Variants in ZNF658 observed in about 807,000 individuals in gnomAD.
ZNF658 encodes zinc finger protein 658.
Under a neutral mutation model 78.0 loss-of-function variants are expected in ZNF658, and 46 were observed. The observed-to-expected ratio is 0.59, with a 90% CI of 0.47 to 0.75. The LOEUF (loss-of-function observed/expected upper bound fraction) is 0.75, where lower values mean the gene tolerates loss of function less well. Among genes scored for constraint, ZNF658 ranks in the 30% least tolerant of loss-of-function variants. The probability of loss-of-function intolerance (pLI) is 0.00; values close to 1 mark genes in which losing one functional copy is unlikely to be tolerated. For missense variants in ZNF658, 785 were observed against 1,189.3 expected (o/e 0.66, Z 5.00); for synonymous variants, 279 against 408.4 (o/e 0.68, Z 3.82).
intron 1 of ZNF658, chr9:66,903,177 CA>C (rs977390572): frequency 4.6e-5 from 9 of 196,834 alleles, no homozygotes; most frequent in African/African-American, 1.9e-4. Flanking sequence ...AGTAAATCAA[CA>C]AAAAACAGTA....
intron 1 of ZNF658, among the ~76,000 whole-genome samples, chr9:66,901,787 T>TA (rs1396903931): frequency 4.0e-5 from 6 of 150,860 alleles, no homozygotes; most frequent in South Asian, 2.1e-4. Context: ...TCTACAAAAA[T>TA]AAAAAAATTA....
chr9:66,927,456 A>G (rs1564179314), intron 6 of ZNF658, among the ~76,000 whole-genome samples: 1 of 152,048 alleles, frequency 6.6e-6, no homozygotes, highest in East Asian at 1.9e-4. Flanking sequence ...TTCTTCAAAA[A>G]GTTAAAAACA....
At chr9:66,905,817 G>C (rs2117958564) in intron 2 of ZNF658, among the ~76,000 whole-genome samples, 1 of 144,826 alleles carries the variant, frequency 6.9e-6, no homozygotes, top group South Asian at 2.2e-4. Context: ...TTTCCTCTAA[G>C]TCTTTGACCA....
intron 4 of ZNF658, among the ~76,000 whole-genome samples, chr9:66,909,152 A>G (rs1409358080): frequency 3.9e-5 from 6 of 151,944 alleles, no homozygotes. Context: ...CCTGGAACCA[A>G]TTCCCCATGG....
rs187272405 is a variant in ZNF658, at chr9:66,914,155, A to C, written c.239-3650A>C. Among the ~76,000 whole-genome samples, 652 of 151,532 alleles carry C rather than the reference A, an allele frequency of 4.3e-3. 14 individuals are homozygous for C. The highest frequency in any genetic ancestry group is 0.015 in the African/African-American group (626 of 40,872). On this transcript the variant is annotated intron_variant, in intron 4 of 4. Transcript: ENST00000621410. ...AACAACGTACAGTCTTCCAGTCCAT[A>C]CACAAAATATCCCTACTGATTTATT...
chr9:66,931,065 A>G (rs1026386438), intron 6 of ZNF658, among the ~76,000 whole-genome samples: 2 of 151,980 alleles, frequency 1.3e-5, no homozygotes, highest in African/African-American at 2.4e-5. Flanking sequence ...TCTCTGAGAA[A>G]GAAAATTGTC....
intron 3 of ZNF658, 27 bp from the exon 4 acceptor site, chr9:66,908,612 G>T (rs762707730): frequency 3.8e-6 from 6 of 1,562,220 alleles, no homozygotes; most frequent in East Asian, 2.3e-5. Context: ...CTGTGAATCT[G>T]GTCCATGTCA....
chr9:66,914,877 T>C (rs534475809), intron 4 of ZNF658, among the ~76,000 whole-genome samples: 6 of 152,274 alleles, frequency 3.9e-5, no homozygotes, highest in Admixed American at 2.0e-4. Context: ...TTTTCTTGAA[T>C]AGTATTTGCC....
intron 6 of ZNF658, among the ~76,000 whole-genome samples, chr9:66,929,547 G>A (rs139805221): frequency 6.6e-6 from 1 of 152,026 alleles, no homozygotes; most frequent in African/African-American, 2.4e-5. Flanking sequence ...TTTCTTCCAG[G>A]ATGCAGGTTC....
chr9:66,919,119 A>T lies in ZNF658; in HGVS notation c.1553A>T (p.Tyr518Phe). 1.8e-6 allele frequency: 1 copy of T among 549,448 alleles called. No homozygotes were observed. The highest frequency in any genetic ancestry group is 2.1e-5 in the South Asian group (1 of 47,788). The allele number at this position is 549,448 out of a possible 1,614,324, so 34.0% of individuals were successfully genotyped here. A position where few individuals can be genotyped will look rare whatever the true frequency, so the allele number is the denominator to read the frequency against. The change falls in exon 5 of 5, where the codon TAT becomes TTT. Residue 518 changes from tyrosine to phenylalanine, a missense_variant. Physicochemically the swap from Tyr to Phe is conservative, Grantham distance 22. Transcript: ENST00000621410. ...HQRILMGEKP[Y>F]ECIECGKTFS... ...AGAATTCTCATGGGGGAGAAACCCT[A>T]TGAATGTATTGAATGTGGGAAAACT... is the stretch of plus-strand genomic sequence containing the variant.
At chr9:66,904,004 T>C (rs1157278674) in intron 2 of ZNF658, among the ~76,000 whole-genome samples, 1 of 152,096 alleles carries the variant, frequency 6.6e-6, no homozygotes, top group African/African-American at 2.4e-5. Flanking sequence ...AATGCTAAAT[T>C]TGAACACGTT....
chr9:66,904,216 G>A (rs1216711795), intron 2 of ZNF658, among the ~76,000 whole-genome samples: 1 of 151,810 alleles, frequency 6.6e-6, no homozygotes, highest in Non-Finnish European at 1.5e-5. Flanking sequence ...GGGATGCCTT[G>A]ATTTTTTCTT....
At chr9:66,924,052 G>T (rs1314896530), downstream of ZNF658, among the ~76,000 whole-genome samples, 4 of 149,622 alleles carry the variant, frequency 2.7e-5, no homozygotes, top group East Asian at 7.9e-4. Flanking sequence ...TCAAGAGGCT[G>T]AGGCAGGAGA....
At chr9:66,913,316 T>A (rs568285464) in intron 4 of ZNF658, among the ~76,000 whole-genome samples, 11 of 151,882 alleles carry the variant, frequency 7.2e-5, no homozygotes, top group African/African-American at 2.2e-4. Flanking sequence ...TCCCAGGTAC[T>A]CAGGAGGCTG....
intron 1 of ZNF658, chr9:66,901,123 G>T (rs554384150): frequency 5.4e-4 from 82 of 152,302 alleles, no homozygotes; most frequent in African/African-American, 1.8e-3. Context: ...TAAATAAGTT[G>T]TCACCTGTAA....
intron 6 of ZNF658, among the ~76,000 whole-genome samples, chr9:66,929,136 CA>C (rs1156921844): frequency 6.6e-6 from 1 of 151,482 alleles, no homozygotes; most frequent in African/African-American, 2.4e-5. Context: ...AATGAAAAAT[CA>C]TTTTGCTTGA....
chr9:66,928,714 G>T (rs1410286966), intron 6 of ZNF658, among the ~76,000 whole-genome samples: 1 of 138,248 alleles, frequency 7.2e-6, no homozygotes, highest in Non-Finnish European at 1.6e-5. Context: ...AAAAAAAATA[G>T]CCAGGAGATT....
chr9:66,914,970 A>G (rs1338631922), intron 4 of ZNF658, among the ~76,000 whole-genome samples: 1 of 152,000 alleles, frequency 6.6e-6, no homozygotes. Context: ...GACATTGTGT[A>G]GGATTGGTAT....
At position 66,920,065 on chromosome 9, in the gene ZNF658, A is replaced by G. The variant is rs764598024; in HGVS notation, c.2499A>G (p.Lys833=). 1.3e-5 allele frequency: 21 copies of G among 1,612,656 alleles called. No individual in the cohort carries two copies. In the African/African-American group the frequency reaches 1.7e-4, roughly 13 times the overall value. The change falls in exon 5 of 5, where the codon AAA becomes AAG. Residue 833 remains lysine, a synonymous_variant. Coordinates refer to ENST00000621410, the MANE Select transcript of ZNF658 (RefSeq NM_033160.7). The part of the protein sequence containing the change: ...EKPYECNQCG[K]TFSQRTHLCA... ...CCTATGAATGTAACCAATGTGGGAAAACTTTCTCCCAAAGAACACACCTCT... is the reference window on the plus strand; with the variant it reads ...CCTATGAATGTAACCAATGTGGGAAGACTTTCTCCCAAAGAACACACCTCT...
Sources: gnomAD v4.1 joint callset for allele counts (sites outside exome capture counted in the v4.1 genomes callset) on GRCh38, gnomAD v4.1.1 for gene constraint, MANE v1.5 for transcripts, NCBI Gene and HGNC (gene_info 2026-07-23, HGNC 2026-07-21) for gene names.